Variants in ZNF385D observed in about 807,000 individuals in gnomAD.
ZNF385D encodes zinc finger protein 385D, also known as zinc finger protein 659.
In ZNF385D, 15 loss-of-function variants were observed where a neutral mutation model predicts 35.8. That is an observed-to-expected ratio of 0.42 (90% CI 0.28 to 0.64). ZNF385D has a LOEUF of 0.64. Among genes scored for constraint, ZNF385D ranks in the 30% least tolerant of loss-of-function variants. ZNF385D has a pLI of 0.23. For missense variants in ZNF385D, 474 were observed against 494.6 expected (o/e 0.96, Z 0.39); for synonymous variants, 212 against 186.8 (o/e 1.13, Z -1.10).
intron 2 of ZNF385D, among the ~76,000 whole-genome samples, chr3:22,350,233 G>A (rs1695854479): frequency 6.6e-6 from 1 of 152,066 alleles, no homozygotes; most frequent in South Asian, 2.1e-4. Context: ...GCTTATAACT[G>A]TGTCTCCACT....
chr3:21,649,236 A>T (rs1411964598), intron 2 of ZNF385D, among the ~76,000 whole-genome samples: 1 of 152,180 alleles, frequency 6.6e-6, no homozygotes, highest in East Asian at 1.9e-4. Flanking sequence ...TATAACTTAA[A>T]AGTATGTGCA....
upstream of ZNF385D, chr3:21,751,573 G>A: frequency 2.7e-6 from 1 of 370,824 alleles, no homozygotes; most frequent in Non-Finnish European, 3.7e-6. Flanking sequence ...AGTACGAAGA[G>A]GGATGGTGCC....
At chr3:22,178,203 A>G (rs1368814695) in intron 2 of ZNF385D, among the ~76,000 whole-genome samples, 1 of 152,208 alleles carries the variant, frequency 6.6e-6, no homozygotes, top group East Asian at 1.9e-4. Flanking sequence ...TCCCACCAAC[A>G]GTGTAAAAGT....
chr3:21,823,858 C>T (rs1390140305), intron 3 of ZNF385D, among the ~76,000 whole-genome samples: 1 of 152,178 alleles, frequency 6.6e-6, no homozygotes, highest in African/African-American at 2.4e-5. Context: ...CCAAGGAGTT[C>T]CCATTGCTTA....
chr3:21,699,268 C>T (rs138569209), intron 1 of ZNF385D, among the ~76,000 whole-genome samples: 19,434 of 151,952 alleles, frequency 0.13, 1,435 homozygotes, highest in East Asian at 0.19. Context: ...TGTTCTCACT[C>T]ATAAGTGGGA....
chr3:22,133,371 G>A (rs570835207), intron 3 of ZNF385D, among the ~76,000 whole-genome samples: 1 of 152,034 alleles, frequency 6.6e-6, no homozygotes, highest in Admixed American at 6.6e-5. Flanking sequence ...CTCTATATGG[G>A]GTGTGCCTGT....
intron 3 of ZNF385D, among the ~76,000 whole-genome samples, chr3:22,089,399 G>A (rs1192574618): frequency 1.3e-5 from 2 of 152,170 alleles, no homozygotes; most frequent in African/African-American, 4.8e-5. Flanking sequence ...TCAGTAGAGG[G>A]CACTAAAAGG....
At chr3:21,626,537 T>A (rs963550538) in intron 2 of ZNF385D, among the ~76,000 whole-genome samples, 4 of 152,124 alleles carry the variant, frequency 2.6e-5, no homozygotes, top group African/African-American at 9.6e-5. Flanking sequence ...CAGGTAGAGA[T>A]CCCCAGAGGC....
intron 5 of ZNF385D, among the ~76,000 whole-genome samples, chr3:21,434,045 A>G (rs1559443916): frequency 6.6e-6 from 1 of 152,224 alleles, no homozygotes; most frequent in Non-Finnish European, 1.5e-5. Flanking sequence ...TAAATTAACA[A>G]TGATAGCACA....
intron 3 of ZNF385D, among the ~76,000 whole-genome samples, chr3:22,161,680 G>A (rs1018559421): frequency 1.3e-5 from 2 of 152,122 alleles, no homozygotes; most frequent in African/African-American, 4.8e-5. Flanking sequence ...AATATATAGT[G>A]ATAAATTATC....
upstream of ZNF385D, among the ~76,000 whole-genome samples, chr3:21,755,344 C>T (rs567550304): frequency 7.9e-5 from 12 of 152,242 alleles, no homozygotes; most frequent in South Asian, 6.2e-4. Flanking sequence ...TCACTGTTTC[C>T]GTATTTTATC....
chr3:21,534,478 C>T (rs2061992691), intron 3 of ZNF385D, among the ~76,000 whole-genome samples: 1 of 152,028 alleles, frequency 6.6e-6, no homozygotes, highest in African/African-American at 2.4e-5. Context: ...CTAAACTGAA[C>T]TTTCATCAGT....
intron 3 of ZNF385D, among the ~76,000 whole-genome samples, chr3:22,050,290 A>G (rs1305706147): frequency 6.6e-6 from 1 of 151,938 alleles, no homozygotes; most frequent in Non-Finnish European, 1.5e-5. Flanking sequence ...TGAGCCCCAG[A>G]GGTTGACGCT....
chr3:22,071,423 T>C (rs181267138), intron 3 of ZNF385D, among the ~76,000 whole-genome samples: 1 of 152,266 alleles, frequency 6.6e-6, no homozygotes, highest in Non-Finnish European at 1.5e-5. Flanking sequence ...AGCTTCATAC[T>C]AGAGGTCACT....
intron 3 of ZNF385D, among the ~76,000 whole-genome samples, chr3:22,148,427 T>C (rs1443496880): frequency 2.0e-5 from 3 of 152,226 alleles, no homozygotes; most frequent in Admixed American, 6.5e-5. Flanking sequence ...CTGTAGACCA[T>C]ATTTTTAATC....
At chr3:21,715,593 T>A (rs2068286149) in intron 1 of ZNF385D, among the ~76,000 whole-genome samples, 1 of 151,962 alleles carries the variant, frequency 6.6e-6, no homozygotes. Context: ...ATATATTGAT[T>A]TTTTTTTCCT....
At chr3:22,249,737 T>C (rs907775900) in intron 2 of ZNF385D, among the ~76,000 whole-genome samples, 1 of 152,206 alleles carries the variant, frequency 6.6e-6, no homozygotes, top group Non-Finnish European at 1.5e-5. Context: ...CAAATGCACA[T>C]CATTTGAAAT....
At chr3:22,260,067 G>C (rs531232696) in intron 2 of ZNF385D, among the ~76,000 whole-genome samples, 2 of 152,062 alleles carry the variant, frequency 1.3e-5, no homozygotes, top group Admixed American at 1.3e-4. Context: ...CAATCAATTA[G>C]ATTATTTACA....
chr3:21,974,052 C>T lies in ZNF385D; in HGVS notation c.325+194765G>A, dbSNP rs553740154. Among the ~76,000 whole-genome samples, 95 of 151,942 alleles carry T rather than the reference C, an allele frequency of 6.3e-4. 1 individual carries two copies. The highest frequency in any genetic ancestry group is 2.1e-3 in the African/African-American group (89 of 41,506). On this transcript the variant is annotated intron_variant, in intron 3 of 5. Coordinates refer to the ZNF385D transcript ENST00000494108. ...ATCAAAATACCAATAACATTCTTCACAGAAATAGAAAACATAATCCTAAAA... is the reference window on the plus strand; with the variant it reads ...ATCAAAATACCAATAACATTCTTCATAGAAATAGAAAACATAATCCTAAAA...
Sources: gnomAD v4.1 joint callset for allele counts (sites outside exome capture counted in the v4.1 genomes callset) on GRCh38, gnomAD v4.1.1 for gene constraint, MANE v1.5 for transcripts, NCBI Gene and HGNC (gene_info 2026-07-23, HGNC 2026-07-21) for gene names.